NRXN3: variants seen among roughly 807,000 people sequenced by gnomAD.
NRXN3 encodes the protein neurexin 3, also known as neurexin III.
Under a neutral mutation model 137.6 loss-of-function variants are expected in NRXN3, and 32 were observed. The observed-to-expected ratio is 0.23, with a 90% CI of 0.18 to 0.31. The LOEUF (loss-of-function observed/expected upper bound fraction) is 0.31. NRXN3 is among the 10% of genes least tolerant of loss of function. The pLI is 1.00. For missense variants in NRXN3, 1,574 were observed against 2,062.5 expected (o/e 0.76, Z 4.59); for synonymous variants, 798 against 784.5 (o/e 1.02, Z -0.29).
chr14:78,425,914 A>G (rs1199149638), intron 4 of NRXN3, among the ~76,000 whole-genome samples: 1 of 152,212 alleles, frequency 6.6e-6, no homozygotes, highest in Middle Eastern at 3.2e-3. Context: ...AGGCCCAAGA[A>G]GTTATAAATA....
chr14:79,467,971 G>C (rs1002805930), intron 16 of NRXN3, among the ~76,000 whole-genome samples: 1 of 152,174 alleles, frequency 6.6e-6, no homozygotes, highest in South Asian at 2.1e-4. Context: ...CCGTAATTTA[G>C]TGACCCCTGT....
chr14:79,530,593 G>GGT (rs369048516), intron 16 of NRXN3, among the ~76,000 whole-genome samples: 6 of 140,482 alleles, frequency 4.3e-5, no homozygotes, highest in African/African-American at 1.6e-4. Context: ...GAGGTTTTTT[G>GGT]TTTTTTTTTT....
intron 4 of NRXN3, among the ~76,000 whole-genome samples, chr14:78,428,487 AC>A (rs570197683): frequency 4.6e-5 from 7 of 152,170 alleles, no homozygotes; most frequent in Non-Finnish European, 1.0e-4. Context: ...GAGAAACAGA[AC>A]CAATAGGATG....
chr14:78,442,268 C>A (rs1270857650), intron 4 of NRXN3, among the ~76,000 whole-genome samples: 1 of 114,714 alleles, frequency 8.7e-6, no homozygotes, highest in Non-Finnish European at 1.7e-5. Flanking sequence ...CCCTGTCACC[C>A]CCCAGAAAAA....
Position 78,529,169 on chromosome 14 carries a change from C to T in NRXN3, c.758-115951C>T, listed in dbSNP as rs570869249. On this transcript the variant is annotated intron_variant, in intron 4 of 20. Coordinates refer to ENST00000335750, the MANE Select transcript of NRXN3 (RefSeq NM_001330195.2). ...GTGCCAGGGAAAAAAGTGTAGCGTCCTTAAACTGTACAAGTCAGTTTAGCA... is the reference window on the plus strand; with the variant it reads ...GTGCCAGGGAAAAAAGTGTAGCGTCTTTAAACTGTACAAGTCAGTTTAGCA... Among the ~76,000 whole-genome samples the T allele has an allele frequency of 2.0e-5, 3 of 152,294 alleles. No homozygotes were observed. The South Asian group carries it at 6.2e-4, about 32-fold the overall frequency.
At chr14:79,039,241 C>G (rs1285001859) in intron 15 of NRXN3, among the ~76,000 whole-genome samples, 1 of 152,082 alleles carries the variant, frequency 6.6e-6, no homozygotes, top group Non-Finnish European at 1.5e-5. Context: ...TCAACTTCAA[C>G]TGACTGTGAA....
intron 8 of NRXN3, among the ~76,000 whole-genome samples, chr14:78,789,171 C>T (rs1461800501): frequency 6.6e-6 from 1 of 152,132 alleles, no homozygotes; most frequent in Non-Finnish European, 1.5e-5. Flanking sequence ...CCTGAATCAC[C>T]GGAGTTAGTC....
At chr14:79,237,449 G>T (rs1245293609) in intron 15 of NRXN3, among the ~76,000 whole-genome samples, 1 of 152,010 alleles carries the variant, frequency 6.6e-6, no homozygotes, top group Non-Finnish European at 1.5e-5. Context: ...TGGGGTGCAG[G>T]GTTGGTTGCG....
intron 16 of NRXN3, among the ~76,000 whole-genome samples, chr14:79,582,806 T>C (rs1195687863): frequency 2.6e-5 from 4 of 152,216 alleles, no homozygotes; most frequent in African/African-American, 9.6e-5. Context: ...AACAACATTA[T>C]GTATAACACA....
At chr14:78,228,865 TA>T (rs879892358) in intron 1 of NRXN3, among the ~76,000 whole-genome samples, 13 of 152,220 alleles carry the variant, frequency 8.5e-5, no homozygotes, top group Admixed American at 8.5e-4. Flanking sequence ...CGGACGGTGA[TA>T]ACCTCAAGGA....
intron 19 of NRXN3, among the ~76,000 whole-genome samples, chr14:79,792,479 A>G (rs957931150): frequency 2.0e-5 from 3 of 152,210 alleles, no homozygotes; most frequent in Non-Finnish European, 2.9e-5. Flanking sequence ...ATTTGAATCA[A>G]TATGTATACA....
chr14:79,731,911 A>T (rs1254322445), intron 19 of NRXN3, among the ~76,000 whole-genome samples: 1 of 151,738 alleles, frequency 6.6e-6, no homozygotes, highest in Non-Finnish European at 1.5e-5. Context: ...CAGATTTCTA[A>T]AGTATGTGTT....
Position 79,358,609 on chromosome 14 carries a change from G to GAGAAAGAAAGAAAGA in NRXN3, c.3263-108611_3263-108610insGAAAGAAAGAAAGAA, listed in dbSNP as rs1566902282. Among the ~76,000 whole-genome samples the GAGAAAGAAAGAAAGA allele has an allele frequency of 1.5e-4, 8 of 53,400 alleles. No homozygotes were observed. In the East Asian group the frequency reaches 4.9e-3, roughly 33 times the overall value. The allele number at this position is 53,400 out of a possible 152,430, so 35.0% of individuals were successfully genotyped here. ...AGAGAAAGAAAGAAAGAAAGAAAGA[G>GAGAAAGAAAGAAAGA]AAAGAAAGAAAGAAAGAAAGAAAGA... is the stretch of plus-strand genomic sequence containing the variant. On this transcript the variant is annotated intron_variant, in intron 15 of 20. Transcript: ENST00000335750.
At chr14:78,563,569 C>A (rs994936870) in intron 4 of NRXN3, among the ~76,000 whole-genome samples, 1 of 152,154 alleles carries the variant, frequency 6.6e-6, no homozygotes, top group Non-Finnish European at 1.5e-5. Context: ...GCACAGGTAA[C>A]CTCTAGTCTT....
chr14:79,376,265 T>TATACATAC (rs1566950685), intron 15 of NRXN3, among the ~76,000 whole-genome samples: 1 of 72,706 alleles, frequency 1.4e-5, no homozygotes, highest in African/African-American at 4.4e-5. Context: ...TATATATATA[T>TATACATAC]ACACATACAT....
At chr14:79,516,523 T>A (rs750368969) in intron 16 of NRXN3, among the ~76,000 whole-genome samples, 3 of 152,250 alleles carry the variant, frequency 2.0e-5, no homozygotes, top group Non-Finnish European at 4.4e-5. Flanking sequence ...CTCTCCTGGC[T>A]ATTATGATGG....
intron 15 of NRXN3, among the ~76,000 whole-genome samples, chr14:79,090,791 G>C (rs139224186): frequency 1.3e-5 from 2 of 152,252 alleles, no homozygotes; most frequent in East Asian, 3.9e-4. Context: ...ACATAATTAA[G>C]TCCATAGCAC....
At chr14:78,780,476 C>T (rs1425083934) in intron 8 of NRXN3, among the ~76,000 whole-genome samples, 1 of 151,802 alleles carries the variant, frequency 6.6e-6, no homozygotes, top group Non-Finnish European at 1.5e-5. Flanking sequence ...ATTTTTAAAA[C>T]TTATGTTCCA....
At chr14:79,629,350 T>C (rs2098317866) in intron 16 of NRXN3, among the ~76,000 whole-genome samples, 1 of 152,204 alleles carries the variant, frequency 6.6e-6, no homozygotes, top group African/African-American at 2.4e-5. Context: ...GCATTTACAA[T>C]GCTCATCTTC....
Sources: gnomAD v4.1 joint callset for allele counts (sites outside exome capture counted in the v4.1 genomes callset) on GRCh38, gnomAD v4.1.1 for gene constraint, MANE v1.5 for transcripts, NCBI Gene and HGNC (gene_info 2026-07-23, HGNC 2026-07-21) for gene names.